The following FOLH1 variants were observed in gnomAD, a reference collection of about 807,000 sequenced individuals.
FOLH1 encodes the protein glutamate carboxypeptidase 2.
A neutral mutation model predicts 93.9 loss-of-function variants in FOLH1; 54 were observed. That is an observed-to-expected ratio of 0.57 (90% confidence interval 0.46 to 0.72). FOLH1 has a LOEUF of 0.72. Among genes scored for constraint, FOLH1 ranks in the 30% least tolerant of loss-of-function variants. The pLI is 0.00. For synonymous variants in FOLH1, 249 were observed against 303.6 expected (o/e 0.82, Z 1.87); for missense variants, 571 against 892.5 (o/e 0.64, Z 4.59).
At chr11:49,167,912 A>G (rs1374886117) in intron 12 of FOLH1, among the ~76,000 whole-genome samples, 1 of 70,774 alleles carries the variant, frequency 1.4e-5, no homozygotes, top group Non-Finnish European at 2.6e-5. Flanking sequence ...AAAAAAACAC[A>G]CACAAAAAAA....
At position 49,146,760 on chromosome 11, in the gene FOLH1, G is replaced by C. The variant is rs1375272364; in HGVS notation, c.2249C>G (p.Ala750Gly). The C allele has an allele frequency of 6.2e-7, 1 of 1,608,470 alleles. No individual in the cohort carries two copies. The highest frequency in any genetic ancestry group is 8.5e-7 in the Non-Finnish European group (1 of 1,177,226). ...QAAAETLSEV[A>G] ...CGGATTCTCTAAAGAATCCTCTTAG[G>C]CTACTTCACTCAAAGTCTCTGCAGC... Residue 750 changes from alanine to glycine, a missense_variant, in exon 19 of 19, where the codon GCC becomes GGC. Around this residue, in one of 2 missense-constraint regions of FOLH1, gnomAD observed 500 missense variants for 822.9 expected, o/e 0.61. Transcript: ENST00000256999.
At chr11:49,159,567 A>T (rs1198592581) in intron 13 of FOLH1, among the ~76,000 whole-genome samples, 1 of 152,172 alleles carries the variant, frequency 6.6e-6, no homozygotes, top group Non-Finnish European at 1.5e-5. Flanking sequence ...ATCATTGTTC[A>T]TCATAGATAC....
chr11:49,202,045 A>G (rs541387126), intron 2 of FOLH1, among the ~76,000 whole-genome samples: 6 of 152,334 alleles, frequency 3.9e-5, no homozygotes, highest in African/African-American at 1.2e-4. Context: ...CAAACACTAA[A>G]TAAATTAATT....
rs185543563 is a variant in FOLH1, at chr11:49,206,053, G to A, written c.224+14C>T. ...TAACAACTTGTCCATATAAACTTTC[G>A]AGGATGTACTTACTATAAGAACTTC... is the stretch of plus-strand genomic sequence containing the variant. On this transcript the variant is annotated intron_variant, in intron 2 of 18. Coordinates refer to ENST00000256999, the MANE Select transcript of FOLH1 (RefSeq NM_004476.3). 7.0e-5 allele frequency: 112 copies of A among 1,599,528 alleles called. No individual in the cohort carries two copies. In the African/African-American group the frequency reaches 9.4e-4, roughly 13 times the overall value.
At chr11:49,153,541 G>A (rs559091802) in intron 17 of FOLH1, among the ~76,000 whole-genome samples, 1 of 152,120 alleles carries the variant, frequency 6.6e-6, no homozygotes, top group Non-Finnish European at 1.5e-5. Flanking sequence ...GGGAGGGACT[G>A]ACATTTCTGA....
At chr11:49,167,556 C>A (rs550233903) in intron 12 of FOLH1, among the ~76,000 whole-genome samples, 1 of 152,116 alleles carries the variant, frequency 6.6e-6, no homozygotes, top group Non-Finnish European at 1.5e-5. Context: ...GGCTCAGACC[C>A]GTAATCCTAG....
chr11:49,146,936 G>A lies in FOLH1; in HGVS notation c.2073C>T (p.Ile691=). 6.2e-7 allele frequency: 1 copy of A among 1,610,688 alleles called. No individual in the cohort carries two copies. Reference sequence around the variant, plus strand: ...ACTTGTTGTGGCTGCTTGGAGCATAGATGACATGCCTGTTGATAAAATCGT... The same window carrying A: ...ACTTGTTGTGGCTGCTTGGAGCATAAATGACATGCCTGTTGATAAAATCGT... ...LPDRPFYRHV[I]YAPSSHNKYA... is the part of the protein sequence containing the mutation. The change falls in exon 19 of 19, where the codon ATC becomes ATT. Residue 691 remains isoleucine, a synonymous_variant. Transcript: ENST00000256999.
At chr11:49,148,069 G>C (rs1173277599) in intron 18 of FOLH1, among the ~76,000 whole-genome samples, 1 of 151,998 alleles carries the variant, frequency 6.6e-6, no homozygotes, top group Non-Finnish European at 1.5e-5. Flanking sequence ...GCCATTTCTG[G>C]CTGTCCAATG....
rs1861285732 is a variant in FOLH1, at chr11:49,185,696, G to A, written c.799C>T (p.Pro267Ser). Reference protein sequence around the residue: ...NILNLNGAGDPLTPGYPANEY... With the variant: ...NILNLNGAGDSLTPGYPANEY... ...TTTGCTGGGTAACCTGGTGTGAGAGGGTCTCCTGCACCATTCAGATTTAGG... is the reference window on the plus strand; with the variant it reads ...TTTGCTGGGTAACCTGGTGTGAGAGAGTCTCCTGCACCATTCAGATTTAGG... The change falls in exon 6 of 19, where the codon CCT (proline) becomes TCT (serine). Residue 267 changes from proline (P) to serine (S), a missense_variant. Transcript: ENST00000256999. 6.2e-7 allele frequency: 1 copy of A among 1,613,600 alleles called. No homozygotes were observed. Among genetic ancestry groups the A allele is most frequent in the African/African-American group, 1.3e-5 (1 of 74,866 alleles).
intron 17 of FOLH1, among the ~76,000 whole-genome samples, chr11:49,152,698 T>C (rs1356497085): frequency 2.6e-5 from 4 of 152,166 alleles, no homozygotes; most frequent in Non-Finnish European, 2.9e-5. Context: ...TCTCCATTTT[T>C]GCTAGAAAAT....
At chr11:49,169,611 C>T (rs9651571) in intron 11 of FOLH1, among the ~76,000 whole-genome samples, 74,697 of 152,000 alleles carry the variant, frequency 0.49, 20,808 homozygotes, top group Admixed American at 0.62. Context: ...GAAAATCTTC[C>T]TATAAACATC....
At chr11:49,191,568 T>A (rs1862051158) in intron 4 of FOLH1, among the ~76,000 whole-genome samples, 1 of 152,352 alleles carries the variant, frequency 6.6e-6, no homozygotes, top group Non-Finnish European at 1.5e-5. Context: ...AATGTCAAAG[T>A]CCAAAAATTA....
At chr11:49,175,483 C>T (rs1448345494) in intron 8 of FOLH1, among the ~76,000 whole-genome samples, 1 of 152,166 alleles carries the variant, frequency 6.6e-6, no homozygotes, top group Non-Finnish European at 1.5e-5. Context: ...TGTCTTCCTT[C>T]TGCAGGAGCT....
intron 11 of FOLH1, 66 bp from the exon 12 acceptor site, chr11:49,169,324 C>T (rs1858902986): frequency 6.9e-7 from 1 of 1,454,564 alleles, no homozygotes; most frequent in Admixed American, 1.7e-5. Context: ...ACAAAATGCA[C>T]ATCTACATTT....
intron 12 of FOLH1, among the ~76,000 whole-genome samples, chr11:49,166,431 T>A (rs973901981): frequency 1.3e-5 from 2 of 152,212 alleles, no homozygotes; most frequent in African/African-American, 4.8e-5. Context: ...AATATTTACT[T>A]ACTTATCTCA....
chr11:49,191,708 G>A (rs1862064806), intron 4 of FOLH1, among the ~76,000 whole-genome samples: 1 of 145,870 alleles, frequency 6.9e-6, no homozygotes, highest in Non-Finnish European at 1.5e-5. Context: ...GTTTTGTTTT[G>A]TTTTTCTAAG....
At position 49,186,753 on chromosome 11, in the gene FOLH1, A is replaced by G; in HGVS notation, c.530T>C (p.Val177Ala). The change falls in exon 5 of 19, where the codon GTT becomes GCT. Residue 177 changes from valine to alanine, a missense_variant. Physicochemically the swap from Val to Ala is moderately conservative, Grantham distance 64. This residue lies in a region of FOLH1 where 500 missense variants were observed against 822.9 expected (regional missense o/e 0.61). Coordinates refer to ENST00000256999, the MANE Select transcript of FOLH1 (RefSeq NM_004476.3). ...GAAGTCTTCAGTTCGTGCATAGTTA[A>G]CATACACTAGATCGCCCTGTTGAGA... is the stretch of plus-strand genomic sequence containing the variant. The part of the protein sequence containing the change: ...QGMPEGDLVY[V>A]NYARTEDFFK... 6.2e-7 allele frequency: 1 copy of G among 1,611,746 alleles called. No homozygotes were observed. Among genetic ancestry groups the G allele is most frequent in the Non-Finnish European group, 8.5e-7 (1 of 1,179,098 alleles).
chr11:49,152,218 A>G (rs1437132564), intron 17 of FOLH1, among the ~76,000 whole-genome samples: 1 of 152,124 alleles, frequency 6.6e-6, no homozygotes, highest in African/African-American at 2.4e-5. Flanking sequence ...ACTTGCTATT[A>G]TAATTTTATA....
intron 14 of FOLH1, among the ~76,000 whole-genome samples, chr11:49,157,298 A>G (rs1857136287): frequency 6.6e-6 from 1 of 152,010 alleles, no homozygotes; most frequent in Non-Finnish European, 1.5e-5. Flanking sequence ...ATATTTGTTA[A>G]CTATATGATA....
Sources: allele counts gnomAD v4.1 joint callset (sites outside exome capture counted in the v4.1 genomes callset), GRCh38; gene constraint gnomAD v4.1.1; regional missense constraint gnomAD v4.1.1; transcripts MANE v1.5; gene names NCBI Gene and HGNC (gene_info 2026-07-23, HGNC 2026-07-21).